The following ECI2 variants were observed in gnomAD, a reference collection of about 807,000 sequenced individuals.
The protein encoded by ECI2 is D3,D2-enoyl-CoA isomerase.
Under a neutral mutation model 38.4 loss-of-function variants are expected in ECI2, and 27 were observed. The observed-to-expected ratio is 0.70, with a 90% CI of 0.52 to 0.97. The LOEUF is 0.97. ECI2 is among the 50% of genes least tolerant of loss of function. The pLI, the probability that ECI2 is intolerant of heterozygous loss-of-function variation, is 0.00. For synonymous variants in ECI2, 168 were observed against 172.0 expected (o/e 0.98, Z 0.18); for missense variants, 470 against 474.4 (o/e 0.99, Z 0.09).
intron 5 of ECI2, 68 bp from the exon 6 acceptor site, chr6:4,126,305 C>T: frequency 7.4e-7 from 1 of 1,349,822 alleles, no homozygotes; most frequent in Non-Finnish European, 1.0e-6. Flanking sequence ...CTACTGCATG[C>T]CAAACTCTAT....
chr6:4,134,599 A>G (rs1388371776), intron 1 of ECI2, among the ~76,000 whole-genome samples: 1 of 152,208 alleles, frequency 6.6e-6, no homozygotes, highest in African/African-American at 2.4e-5. Context: ...CTAACACACA[A>G]ACACAATTAT....
Position 4,134,928 on chromosome 6 carries a change from T to A in ECI2, c.50+583A>T, listed in dbSNP as rs530270174. On this transcript the variant is annotated intron_variant, in intron 1 of 9. Transcript: ENST00000380118. The stretch of plus-strand genomic sequence containing the variant: ...GGAAAATCACTCATAATTCTACCAC[T>A]TCAAGGCCACCACCGTGTTTCGGTT... 6.6e-5 allele frequency among the ~76,000 whole-genome samples: 10 copies of A among 152,268 alleles called. No individual in the cohort carries two copies. In the South Asian group the frequency reaches 2.1e-3, roughly 32 times the overall value.
intron 2 of ECI2, 149 bp from the exon 3 acceptor site, chr6:4,131,014 C>A: frequency 1.5e-6 from 1 of 654,556 alleles, no homozygotes; most frequent in Non-Finnish European, 2.5e-6. Context: ...CCCCTCCAGT[C>A]TCTTTGATGT....
intron 4 of ECI2, 22 bp downstream of exon 4, chr6:4,130,350 C>G: frequency 6.2e-7 from 1 of 1,614,128 alleles, no homozygotes; most frequent in Non-Finnish European, 8.5e-7. Flanking sequence ...ACAGGACAAA[C>G]TCCGTGGGCA....
In ECI2 at chr6:4,133,676, A is replaced by T; in HGVS notation, c.86T>A (p.Leu29Gln). Residue 29 changes from leucine to glutamine, a missense_variant, in exon 2 of 10, where the codon CTG becomes CAG. Leu to Gln is a moderately radical substitution (Grantham distance 113). Transcript: ENST00000380118. ...TCTCATTGCTGTTCTATTCATGTGC[A>T]GCTGAACTACCGGGAAACTAGTGAC... ...LQVTSFPVVQ[L>Q]HMNRTAMRAS... 2.5e-6 allele frequency: 4 copies of T among 1,612,760 alleles called. No individual in the cohort carries two copies. Among genetic ancestry groups the T allele is most frequent in the Non-Finnish European group, 2.5e-6 (3 of 1,179,566 alleles).
chr6:4,126,598 A>G (rs1235557038), intron 5 of ECI2, among the ~76,000 whole-genome samples: 1 of 152,158 alleles, frequency 6.6e-6, no homozygotes, highest in Non-Finnish European at 1.5e-5. Flanking sequence ...AGAACAGTTT[A>G]CACAAAGGAA....
At chr6:4,135,126 C>T in intron 1 of ECI2, 1 of 509,410 alleles carries the variant, frequency 2.0e-6, no homozygotes, top group Middle Eastern at 3.0e-4. Context: ...TCGCTTTTAG[C>T]AAGCGACGCT....
intron 8 of ECI2, 171 bp downstream of exon 8, chr6:4,119,015 C>A: frequency 1.8e-6 from 1 of 566,014 alleles, no homozygotes; most frequent in Non-Finnish European, 3.0e-6. Flanking sequence ...GCAGATACTT[C>A]CCATAGCCTG....
At chr6:4,124,339 T>C (rs990710073) in intron 7 of ECI2, among the ~76,000 whole-genome samples, 2 of 152,232 alleles carry the variant, frequency 1.3e-5, no homozygotes. Context: ...GAATTAAGGA[T>C]GCTATTATAT....
intron 7 of ECI2, 70 bp from the exon 8 acceptor site, chr6:4,119,345 G>C (rs2113970364): frequency 8.1e-7 from 1 of 1,240,574 alleles, no homozygotes; most frequent in Non-Finnish European, 1.1e-6. Flanking sequence ...TTGAGACAAA[G>C]GGTTTCGCTC....
At chr6:4,127,738 A>C (rs1004880343) in intron 5 of ECI2, 24 bp downstream of exon 5, 21 of 1,603,374 alleles carry the variant, frequency 1.3e-5, no homozygotes, top group Non-Finnish European at 1.8e-5. Flanking sequence ...AAATTTAATT[A>C]GGATGCCTGA....
intron 7 of ECI2, 134 bp downstream of exon 7, chr6:4,125,116 G>T (rs1468574246): frequency 3.0e-5 from 43 of 1,438,900 alleles, no homozygotes; most frequent in South Asian, 3.9e-5. Context: ...AATGCTTTGG[G>T]AAAAATCTAA....
rs755853876 is a variant in ECI2 at position 4,130,541 on chromosome 6, T to C, written c.332A>G (p.Tyr111Cys). The C allele has an allele frequency of 1.5e-5, 25 of 1,614,100 alleles. 1 individual carries two copies. The highest frequency in any genetic ancestry group is 3.3e-4 in the Middle Eastern group (2 of 6,084). The change falls in exon 4 of 10, where the codon TAT becomes TGT. Residue 111 changes from tyrosine to cysteine, a missense_variant. By Grantham distance (194) the Tyr-to-Cys change is radical. Transcript: ENST00000380118. ...ACTCAAACTGGACACCAAATCCACA[T>C]AGTTCTGCCTGGCAGCTTCCTGAAC... Reference protein sequence around the residue: ...SLPKEAARQNYVDLVSSLSPS... With the variant: ...SLPKEAARQNCVDLVSSLSPS...
In ECI2 at chr6:4,125,351, T is replaced by C; in HGVS notation, c.694A>G (p.Ile232Val). Residue 232 changes from isoleucine (I) to valine (V), a missense_variant, in exon 7 of 10, where the codon ATA becomes GTA. Ile to Val is a conservative substitution (Grantham distance 29). Coordinates refer to ENST00000380118, the MANE Select transcript of ECI2 (RefSeq NM_206836.3). ...GCAATCAGAGGCTTAGGAAAATCTA[T>C]AAAACAGCCCACAAATTCCCTACAG... ...VLLREFVGCFIDFPKPLIAVV... is the reference protein window; with the variant it reads ...VLLREFVGCFVDFPKPLIAVV... 6.2e-7 allele frequency: 1 copy of C among 1,614,136 alleles called. No homozygotes were observed. The highest frequency in any genetic ancestry group is 8.5e-7 in the Non-Finnish European group (1 of 1,180,034).
intron 2 of ECI2, among the ~76,000 whole-genome samples, chr6:4,131,187 T>C (rs1452480274): frequency 6.6e-6 from 1 of 152,162 alleles, no homozygotes; most frequent in Admixed American, 6.5e-5. Flanking sequence ...ACAATCAAAA[T>C]ATTCAAGCAA....
In ECI2 at chr6:4,130,566, C is replaced by T. The variant is rs764425969; in HGVS notation, c.313-6G>A. ...TAGTTCTGCCTGGCAGCTTCCTGAA[C>T]GGACGATGACAAACAACCTCAGCCC... is the stretch of plus-strand genomic sequence containing the variant. On this transcript the variant is annotated splice_polypyrimidine_tract_variant and splice_region_variant and intron_variant, in intron 3 of 9. Transcript: ENST00000380118. 4.2e-5 allele frequency: 68 copies of T among 1,614,052 alleles called. No individual in the cohort carries two copies. Among genetic ancestry groups the T allele is most frequent in the Middle Eastern group, 3.3e-4 (2 of 6,084 alleles).
At chr6:4,120,949 C>T (rs1027488232) in intron 7 of ECI2, among the ~76,000 whole-genome samples, 13 of 152,168 alleles carry the variant, frequency 8.5e-5, no homozygotes, top group Non-Finnish European at 5.9e-5. Context: ...GGGTGAATCT[C>T]TTTTAAATTA....
intron 7 of ECI2, among the ~76,000 whole-genome samples, chr6:4,122,692 C>G (rs892355300): frequency 2.0e-5 from 3 of 152,114 alleles, no homozygotes; most frequent in Non-Finnish European, 4.4e-5. Flanking sequence ...GAAGGGGTTT[C>G]ACCACATTGG....
At chr6:4,126,007 G>T (rs1288614525) in intron 6 of ECI2, 128 bp downstream of exon 6, 1 of 757,494 alleles carries the variant, frequency 1.3e-6, no homozygotes, top group Non-Finnish European at 2.3e-6. Context: ...AGAGAAATAT[G>T]CTTGTCCAAA....
Sources: allele counts gnomAD v4.1 joint callset (sites outside exome capture counted in the v4.1 genomes callset), GRCh38; gene constraint gnomAD v4.1.1; transcripts MANE v1.5; gene names NCBI Gene and HGNC (gene_info 2026-07-23, HGNC 2026-07-21).